The following HSD17B2 variants were observed in gnomAD, a reference collection of about 807,000 sequenced individuals.
HSD17B2 encodes the protein hydroxysteroid 17-beta dehydrogenase 2.
In HSD17B2, 32 loss-of-function variants were observed where a neutral mutation model predicts 26.9. The observed-to-expected ratio is 1.19, with a 90% CI of 0.90 to 1.60. The LOEUF (loss-of-function observed/expected upper bound fraction) is 1.60. Among genes scored for constraint, HSD17B2 ranks in the 40% most tolerant of loss-of-function variants. HSD17B2 has a pLI of 0.00. For synonymous variants in HSD17B2, 246 were observed against 186.7 expected (o/e 1.32, Z -2.59); for missense variants, 613 against 468.6 (o/e 1.31, Z -2.85).
rs1183534849 is a variant in HSD17B2 at position 82,098,069 on chromosome 16, C to T, written c.803-6C>T. On this transcript the variant is annotated splice_region_variant and splice_polypyrimidine_tract_variant and intron_variant, in intron 4 of 4. Transcript: ENST00000199936. The stretch of plus-strand genomic sequence containing the variant: ...GATCTGACTCTTCCCTTTCCTTTCA[C>T]CCCAGATATCGCAGGCACCAGTGAC... 1.6e-5 allele frequency: 25 copies of T among 1,604,558 alleles called. No individual in the cohort carries two copies. The highest frequency in any genetic ancestry group is 2.0e-5 in the Non-Finnish European group (24 of 1,174,630).
At chr16:82,094,356 C>G (rs935665759) in intron 4 of HSD17B2, 10 of 152,230 alleles carry the variant, frequency 6.6e-5, no homozygotes, top group Non-Finnish European at 1.3e-4. Context: ...ATTTATACCT[C>G]TACCCTTTCT....
intron 1 of HSD17B2, among the ~76,000 whole-genome samples, chr16:82,049,470 G>T (rs543241771): frequency 6.6e-6 from 1 of 152,314 alleles, no homozygotes; most frequent in African/African-American, 2.4e-5. Context: ...AATAATAAAG[G>T]GAATGGAGAT....
chr16:82,060,104 C>T (rs1281015074), intron 1 of HSD17B2, among the ~76,000 whole-genome samples: 1 of 152,154 alleles, frequency 6.6e-6, no homozygotes. Flanking sequence ...TGTTGTATTT[C>T]TCTAACATTT....
chr16:82,038,962 C>G (rs978957971), intron 1 of HSD17B2, among the ~76,000 whole-genome samples: 1 of 152,054 alleles, frequency 6.6e-6, no homozygotes, highest in African/African-American at 2.4e-5. Context: ...CCCCTGTTCC[C>G]CCTTGGTTGT....
intron 1 of HSD17B2, among the ~76,000 whole-genome samples, chr16:82,047,335 G>A (rs1913963276): frequency 6.6e-6 from 1 of 152,216 alleles, no homozygotes; most frequent in African/African-American, 2.4e-5. Context: ...TAGAGAAGAA[G>A]ACAATGGCAT....
At chr16:82,062,129 A>G (rs973019515) in intron 1 of HSD17B2, among the ~76,000 whole-genome samples, 1 of 152,196 alleles carries the variant, frequency 6.6e-6, no homozygotes, top group Non-Finnish European at 1.5e-5. Flanking sequence ...AATTCCTAAT[A>G]CCCTCAAATT....
At chr16:82,096,721 A>C (rs1904850343) in intron 4 of HSD17B2, 1 of 152,172 alleles carries the variant, frequency 6.6e-6, no homozygotes, top group Non-Finnish European at 1.5e-5. Flanking sequence ...CCCAGTTGAA[A>C]ATAAGCGCAG....
At chr16:82,057,556 T>C (rs1914308636) in intron 1 of HSD17B2, among the ~76,000 whole-genome samples, 1 of 152,138 alleles carries the variant, frequency 6.6e-6, no homozygotes, top group Admixed American at 6.5e-5. Context: ...AGCGTACAGC[T>C]TGGGAAGGGG....
intron 3 of HSD17B2, among the ~76,000 whole-genome samples, chr16:82,088,197 G>C (rs528096328): frequency 6.6e-6 from 1 of 152,216 alleles, no homozygotes; most frequent in African/African-American, 2.4e-5. Flanking sequence ...AGTAAACAAC[G>C]GCTGCTGGAG....
intron 1 of HSD17B2, among the ~76,000 whole-genome samples, chr16:82,058,730 T>C (rs1914348558): frequency 6.6e-6 from 1 of 152,198 alleles, no homozygotes; most frequent in Non-Finnish European, 1.5e-5. Flanking sequence ...TTCAGTTTCC[T>C]TTGTGAATAT....
chr16:82,039,305 T>G (rs1486541472), intron 1 of HSD17B2, among the ~76,000 whole-genome samples: 1 of 151,020 alleles, frequency 6.6e-6, no homozygotes, highest in Non-Finnish European at 1.5e-5. Context: ...GCATATGTTA[T>G]ACTACTATAG....
Position 82,090,978 on chromosome 16 carries a change from A to G in HSD17B2, c.741A>G (p.Arg247=). The G allele has an allele frequency of 6.2e-7, 1 of 1,614,058 alleles. No individual in the cohort carries two copies. Among genetic ancestry groups the G allele is most frequent in the East Asian group, 2.2e-5 (1 of 44,882 alleles). Residue 247 remains arginine, a synonymous_variant, in exon 4 of 5, where the codon AGA becomes AGG. Transcript: ENST00000199936. ...AAVTMFSSVM[R]LELSKWGIKV... is the part of the protein sequence containing the mutation. ...TGACCATGTTCTCATCAGTTATGAG[A>G]CTGGAGCTTTCCAAGTGGGGAATTA...
chr16:82,083,537 A>C (rs1904437584), intron 3 of HSD17B2, among the ~76,000 whole-genome samples: 1 of 152,144 alleles, frequency 6.6e-6, no homozygotes, highest in Non-Finnish European at 1.5e-5. Flanking sequence ...GAGATGAAAT[A>C]ACACATGTTT....
At chr16:82,053,329 C>G (rs1213765762) in intron 1 of HSD17B2, among the ~76,000 whole-genome samples, 1 of 152,088 alleles carries the variant, frequency 6.6e-6, no homozygotes, top group Non-Finnish European at 1.5e-5. Flanking sequence ...AGGCACACAT[C>G]CCAAGCAAAC....
At position 82,035,589 on chromosome 16, in the gene HSD17B2, T is replaced by G; in HGVS notation, c.165T>G (p.Phe55Leu). Residue 55 changes from phenylalanine to leucine, a missense_variant, in exon 1 of 5, where the codon TTT (phenylalanine) becomes TTG (leucine). By Grantham distance (22) the Phe-to-Leu change is conservative. Transcript: ENST00000199936. ...TCTGCCTGCTCATCCTGTCCCCTTT[T>G]TGGGGCTTGATCCTCTTCTCGGTGT... ...CAVCLLILSP[F>L]WGLILFSVSC... 2.5e-6 allele frequency: 4 copies of G among 1,614,042 alleles called. No individual in the cohort carries two copies. The highest frequency in any genetic ancestry group is 3.4e-6 in the Non-Finnish European group (4 of 1,180,032).
chr16:82,091,079 G>T, intron 4 of HSD17B2, 40 bp downstream of exon 4: 1 of 1,608,518 alleles, frequency 6.2e-7, no homozygotes, highest in Non-Finnish European at 8.5e-7. Context: ...GTTCATCCTG[G>T]AAGGAACCCC....
intron 4 of HSD17B2, chr16:82,094,153 C>G (rs1469761470): frequency 2.6e-5 from 4 of 152,146 alleles, no homozygotes; most frequent in South Asian, 2.1e-4. Context: ...AACCTCTTAT[C>G]TAATCCTGTG....
At chr16:82,092,084 A>G (rs574297712) in intron 4 of HSD17B2, 7 of 152,344 alleles carry the variant, frequency 4.6e-5, no homozygotes, top group Admixed American at 2.0e-4. Context: ...TGTATAATCC[A>G]TTAGTTTCAT....
chr16:82,068,306 G>A lies in HSD17B2; in HGVS notation c.402G>A (p.Val134=). ...LRRTCSPRLS[V]LQMDITKPVQ... ...GAACCTGCTCTCCGCGCCTCTCGGT[G>A]CTCCAAATGGACATCACGAAGCCAG... Residue 134 remains valine (V), a synonymous_variant, in exon 2 of 5, where the codon GTG becomes GTA. Coordinates refer to ENST00000199936, the MANE Select transcript of HSD17B2 (RefSeq NM_002153.3). The A allele has an allele frequency of 6.2e-7, 1 of 1,614,100 alleles. No individual in the cohort carries two copies. Among genetic ancestry groups the A allele is most frequent in the Non-Finnish European group, 8.5e-7 (1 of 1,180,012 alleles).
Sources: gnomAD v4.1 joint callset for allele counts (sites outside exome capture counted in the v4.1 genomes callset) on GRCh38, gnomAD v4.1.1 for gene constraint, MANE v1.5 for transcripts, NCBI Gene and HGNC (gene_info 2026-07-23, HGNC 2026-07-21) for gene names.